Variants in CHCHD6 observed in about 807,000 individuals in gnomAD.
CHCHD6 encodes the protein coiled-coil-helix-coiled-coil-helix domain containing 6.
A neutral mutation model predicts 32.3 loss-of-function variants in CHCHD6; 28 were observed. The observed-to-expected ratio is 0.87, with a 90% confidence interval of 0.64 to 1.19. CHCHD6 has a LOEUF of 1.19. CHCHD6 is among the 50% of genes most tolerant of loss of function. The pLI is 0.00. For missense variants in CHCHD6, 333 were observed against 307.0 expected (o/e 1.08, Z -0.63); for synonymous variants, 122 against 117.5 (o/e 1.04, Z -0.25).
chr3:126,812,351 A>T (rs191056921), intron 4 of CHCHD6, among the ~76,000 whole-genome samples: 3 of 137,058 alleles, frequency 2.2e-5, no homozygotes, highest in Admixed American at 7.8e-5. Context: ...TATCAATCTC[A>T]TGTTAAAAAT....
chr3:126,830,074 G>A (rs1940573166), intron 4 of CHCHD6, among the ~76,000 whole-genome samples: 1 of 152,062 alleles, frequency 6.6e-6, no homozygotes, highest in Non-Finnish European at 1.5e-5. Context: ...CTCCAGCTTG[G>A]GCCACAGAGT....
intron 6 of CHCHD6, among the ~76,000 whole-genome samples, chr3:126,945,237 C>T (rs1368162621): frequency 5.3e-5 from 8 of 151,942 alleles, no homozygotes; most frequent in Admixed American, 6.6e-5. Context: ...GGCCAGCCCT[C>T]GGGTTCTGGG....
chr3:126,944,133 C>A (rs766607776), intron 6 of CHCHD6, among the ~76,000 whole-genome samples: 11 of 152,272 alleles, frequency 7.2e-5, no homozygotes, highest in Non-Finnish European at 1.5e-4. Flanking sequence ...AATTTCCACA[C>A]ACCTGGCAAT....
intron 4 of CHCHD6, among the ~76,000 whole-genome samples, chr3:126,836,443 TCTCTGGACCGCCA>T (rs1475200194): frequency 6.6e-6 from 1 of 152,204 alleles, no homozygotes. Context: ...CACCCCTGCC[TCTCTGGACCGCCA>T]CTCTGTTCTT....
intron 5 of CHCHD6, among the ~76,000 whole-genome samples, chr3:126,894,811 C>G (rs1160579094): frequency 4.6e-5 from 7 of 152,220 alleles, no homozygotes; most frequent in Non-Finnish European, 8.8e-5. Flanking sequence ...GCATGTGCGA[C>G]AGCAGGAGAG....
intron 5 of CHCHD6, among the ~76,000 whole-genome samples, chr3:126,900,691 G>A (rs141554771): frequency 2.1e-5 from 3 of 140,694 alleles, no homozygotes; most frequent in Non-Finnish European, 3.0e-5. Context: ...TGCAACCTCC[G>A]CCTCCCAGGT....
chr3:126,858,201 G>A (rs1434513706), intron 5 of CHCHD6, among the ~76,000 whole-genome samples: 18 of 151,968 alleles, frequency 1.2e-4, no homozygotes. Flanking sequence ...ATCTACAGAA[G>A]GGGTGAAGGC....
intron 6 of CHCHD6, among the ~76,000 whole-genome samples, chr3:126,933,758 C>A (rs1398307617): frequency 6.6e-6 from 1 of 152,158 alleles, no homozygotes; most frequent in East Asian, 1.9e-4. Context: ...ACTGAAATAT[C>A]CAAACCACAT....
At chr3:126,710,576 A>C (rs575890165) in intron 1 of CHCHD6, among the ~76,000 whole-genome samples, 1 of 152,350 alleles carries the variant, frequency 6.6e-6, no homozygotes, top group African/African-American at 2.4e-5. Context: ...TACACGAAAT[A>C]TCTCTTCATT....
At chr3:126,747,791 T>C (rs754169417) in intron 4 of CHCHD6, among the ~76,000 whole-genome samples, 3 of 152,170 alleles carry the variant, frequency 2.0e-5, no homozygotes, top group Non-Finnish European at 4.4e-5. Context: ...TCCATGCCCA[T>C]GTTGCTGGAT....
At chr3:126,879,440 A>AT (rs1327970972) in intron 5 of CHCHD6, among the ~76,000 whole-genome samples, 2 of 152,270 alleles carry the variant, frequency 1.3e-5, no homozygotes, top group Admixed American at 1.3e-4. Context: ...TGCCTATGTC[A>AT]TTTTTTTACC....
At chr3:126,880,778 C>CT (rs112827676) in intron 5 of CHCHD6, among the ~76,000 whole-genome samples, 21 of 152,124 alleles carry the variant, frequency 1.4e-4, no homozygotes, top group African/African-American at 3.9e-4. Context: ...AAAAACATCT[C>CT]TTTTTTTTCA....
At chr3:126,792,480 A>T (rs138411027) in intron 4 of CHCHD6, among the ~76,000 whole-genome samples, 88 of 152,200 alleles carry the variant, frequency 5.8e-4, no homozygotes, top group African/African-American at 1.9e-3. Flanking sequence ...ATTGAAATAC[A>T]TCTTTTACAT....
At chr3:126,745,551 G>A (rs1180285955) in intron 4 of CHCHD6, among the ~76,000 whole-genome samples, 2 of 152,166 alleles carry the variant, frequency 1.3e-5, no homozygotes, top group African/African-American at 4.8e-5. Context: ...GAGTCTAAAG[G>A]ATAGAAGTGG....
At chr3:126,920,272 TC>T (rs2078228604) in intron 6 of CHCHD6, among the ~76,000 whole-genome samples, 1 of 152,024 alleles carries the variant, frequency 6.6e-6, no homozygotes, top group Admixed American at 6.5e-5. Flanking sequence ...CTCTCTATTT[TC>T]TTGAACATAT....
intron 6 of CHCHD6, among the ~76,000 whole-genome samples, chr3:126,932,711 C>G (rs2078423683): frequency 6.6e-6 from 1 of 152,228 alleles, no homozygotes; most frequent in South Asian, 2.1e-4. Context: ...ACATGCCTTC[C>G]TGCTGCCTTG....
At position 126,903,659 on chromosome 3, in the gene CHCHD6, C is replaced by T. The variant is rs563624691; in HGVS notation, c.496-11021C>T. 5.3e-5 allele frequency among the ~76,000 whole-genome samples: 8 copies of T among 152,320 alleles called. No individual in the cohort carries two copies. The East Asian group carries it at 1.5e-3, about 29-fold the overall frequency. On this transcript the variant is annotated intron_variant, in intron 5 of 7. Coordinates refer to ENST00000290913, the MANE Select transcript of CHCHD6 (RefSeq NM_032343.3). ...AGCAGCACCAAGGCAGGGCTGGCTG[C>T]CTAGCCTTTGTGCAGATAGTGGTGC...
intron 4 of CHCHD6, among the ~76,000 whole-genome samples, chr3:126,748,848 C>G (rs548492106): frequency 6.6e-6 from 1 of 152,074 alleles, no homozygotes; most frequent in Non-Finnish European, 1.5e-5. Flanking sequence ...AGAAGTGACC[C>G]GATCCTGACC....
At chr3:126,806,748 T>C (rs868682765) in intron 4 of CHCHD6, among the ~76,000 whole-genome samples, 2,741 of 152,186 alleles carry the variant, frequency 0.018, 32 homozygotes, top group Middle Eastern at 0.051. Flanking sequence ...CATATGCACA[T>C]GTATGTTTAT....
Sources: gnomAD v4.1 joint callset for allele counts (sites outside exome capture counted in the v4.1 genomes callset) on GRCh38, gnomAD v4.1.1 for gene constraint, MANE v1.5 for transcripts, NCBI Gene and HGNC (gene_info 2026-07-23, HGNC 2026-07-21) for gene names.